AGBL1: variants seen among roughly 807,000 people sequenced by gnomAD.
AGBL1 encodes the protein AGBL carboxypeptidase 1, also known as cytosolic carboxypeptidase 4.
AGBL1 carries 130 observed loss-of-function variants against 118.9 expected under a neutral mutation model. That is an observed-to-expected ratio of 1.09 (90% confidence interval 0.95 to 1.26). AGBL1 has a LOEUF of 1.26. Among genes scored for constraint, AGBL1 ranks in the 50% most tolerant of loss-of-function variants. The probability of loss-of-function intolerance (pLI) is 0.00; values close to 1 mark genes in which losing one functional copy is unlikely to be tolerated. For missense variants in AGBL1, 1,584 were observed against 1,298.1 expected (o/e 1.22, Z -3.38); for synonymous variants, 555 against 478.9 (o/e 1.16, Z -2.08).
At chr15:86,992,814 T>A (rs899754586) in intron 24 of AGBL1, among the ~76,000 whole-genome samples, 3 of 152,122 alleles carry the variant, frequency 2.0e-5, no homozygotes, top group Non-Finnish European at 2.9e-5. Flanking sequence ...AATGGCTATC[T>A]GGTGCATACT....
At chr15:86,476,735 T>C in intron 18 of AGBL1, among the ~76,000 whole-genome samples, 1 of 152,114 alleles carries the variant, frequency 6.6e-6, no homozygotes. Context: ...GCAGACCTAA[T>C]AGACATCTAC....
At chr15:86,156,785 C>CTTTTTTT (rs10644257) in intron 4 of AGBL1, among the ~76,000 whole-genome samples, 1 of 128,684 alleles carries the variant, frequency 7.8e-6, no homozygotes, top group Non-Finnish European at 1.7e-5. Flanking sequence ...TTTCTTTTTT[C>CTTTTTTT]TTTTCTTTCT....
At chr15:86,468,498 C>T (rs921755469) in intron 18 of AGBL1, among the ~76,000 whole-genome samples, 1 of 152,164 alleles carries the variant, frequency 6.6e-6, no homozygotes, top group Non-Finnish European at 1.5e-5. Flanking sequence ...GTCACCTTCC[C>T]CACAGAGGAG....
chr15:86,704,498 A>G (rs998083732), intron 22 of AGBL1, among the ~76,000 whole-genome samples: 1 of 152,180 alleles, frequency 6.6e-6, no homozygotes, highest in Non-Finnish European at 1.5e-5. Flanking sequence ...GACACTTCTC[A>G]AGACATTTAT....
intron 23 of AGBL1, among the ~76,000 whole-genome samples, chr15:86,933,840 G>A (rs548806791): frequency 2.0e-4 from 31 of 152,310 alleles, no homozygotes; most frequent in Middle Eastern, 3.4e-3. Flanking sequence ...CTTGCCGGAG[G>A]AATTGCCACT....
At chr15:87,005,623 C>T (rs2081490819) in intron 24 of AGBL1, among the ~76,000 whole-genome samples, 2 of 152,092 alleles carry the variant, frequency 1.3e-5, no homozygotes, top group Non-Finnish European at 2.9e-5. Context: ...AACTTCTTTG[C>T]CATGGGTTCG....
At chr15:86,815,679 G>A (rs2078848609) in intron 22 of AGBL1, among the ~76,000 whole-genome samples, 1 of 152,010 alleles carries the variant, frequency 6.6e-6, no homozygotes. Context: ...TTGTGGACTG[G>A]GAGGAGATGA....
chr15:86,784,455 C>A (rs2078377908), intron 22 of AGBL1, among the ~76,000 whole-genome samples: 1 of 152,164 alleles, frequency 6.6e-6, no homozygotes, highest in Non-Finnish European at 1.5e-5. Context: ...GAATAAAAAT[C>A]CCTGGGTAGC....
intron 1 of AGBL1, among the ~76,000 whole-genome samples, chr15:86,111,509 C>T (rs1897379152): frequency 6.6e-6 from 1 of 152,170 alleles, no homozygotes; most frequent in Non-Finnish European, 1.5e-5. Context: ...GACACACAGG[C>T]AAGGAACAAC....
intron 17 of AGBL1, among the ~76,000 whole-genome samples, chr15:86,383,032 ATC>A (rs999940005): frequency 3.3e-5 from 5 of 152,062 alleles, no homozygotes; most frequent in African/African-American, 1.2e-4. Context: ...AGCTGGTGAC[ATC>A]TGTTTTTCAG....
intron 22 of AGBL1, among the ~76,000 whole-genome samples, chr15:86,892,464 G>C (rs1487819510): frequency 6.6e-6 from 1 of 152,124 alleles, no homozygotes; most frequent in Non-Finnish European, 1.5e-5. Flanking sequence ...TGAATCAAGG[G>C]ATATAGGAAC....
intron 17 of AGBL1, among the ~76,000 whole-genome samples, chr15:86,366,811 A>G (rs911302823): frequency 2.6e-5 from 4 of 152,104 alleles, no homozygotes; most frequent in African/African-American, 7.2e-5. Context: ...TCTTGGGGGG[A>G]AAAAGGTTCC....
intron 22 of AGBL1, among the ~76,000 whole-genome samples, chr15:86,802,191 C>G (rs1361197887): frequency 2.0e-5 from 3 of 152,074 alleles, no homozygotes; most frequent in Non-Finnish European, 4.4e-5. Flanking sequence ...TTTGACTCAT[C>G]AGCTCTCAAC....
chr15:86,754,994 A>G (rs1311912360), intron 22 of AGBL1, among the ~76,000 whole-genome samples: 1 of 152,082 alleles, frequency 6.6e-6, no homozygotes, highest in Non-Finnish European at 1.5e-5. Flanking sequence ...GGGGTATATG[A>G]TGTGGGACTT....
At chr15:86,384,415 C>A (rs2081155300) in intron 17 of AGBL1, among the ~76,000 whole-genome samples, 2 of 152,136 alleles carry the variant, frequency 1.3e-5, no homozygotes, top group Admixed American at 6.5e-5. Context: ...CAGCATCTGT[C>A]TGCAATTTTC....
intron 15 of AGBL1, among the ~76,000 whole-genome samples, chr15:86,273,852 A>G (rs2141698860): frequency 6.6e-6 from 1 of 152,300 alleles, no homozygotes; most frequent in East Asian, 1.9e-4. Flanking sequence ...GGGTGAAAGG[A>G]AAAAGGAGAC....
At chr15:86,431,205 T>C (rs1163326759) in intron 18 of AGBL1, among the ~76,000 whole-genome samples, 5 of 152,186 alleles carry the variant, frequency 3.3e-5, no homozygotes, top group Non-Finnish European at 5.9e-5. Context: ...GATTAGTGCC[T>C]GACTTGGCAT....
At chr15:86,916,456 T>C (rs1219786746), downstream of AGBL1, among the ~76,000 whole-genome samples, 1 of 152,110 alleles carries the variant, frequency 6.6e-6, no homozygotes, top group Non-Finnish European at 1.5e-5. Flanking sequence ...TGTAAGTACA[T>C]CCAGAGTCCA....
At chr15:86,478,106 C>G (rs943796924) in intron 18 of AGBL1, among the ~76,000 whole-genome samples, 1 of 152,092 alleles carries the variant, frequency 6.6e-6, no homozygotes, top group Non-Finnish European at 1.5e-5. Flanking sequence ...CTATTTATGA[C>G]AAACCCACAG....
Sources: allele counts gnomAD v4.1 joint callset (sites outside exome capture counted in the v4.1 genomes callset), GRCh38; gene constraint gnomAD v4.1.1; transcripts MANE v1.5; gene names NCBI Gene and HGNC (gene_info 2026-07-23, HGNC 2026-07-21).